The following RNF38 variants were observed in gnomAD, a reference collection of about 807,000 sequenced individuals.
RNF38 encodes the protein ring finger protein 38.
Under a neutral mutation model 67.2 loss-of-function variants are expected in RNF38, and 15 were observed. The observed-to-expected ratio is 0.22, with a 90% confidence interval of 0.15 to 0.34. The LOEUF (loss-of-function observed/expected upper bound fraction) is 0.34, where lower values mean the gene tolerates loss of function less well. Among genes scored for constraint, RNF38 ranks in the 10% least tolerant of loss-of-function variants. The pLI is 1.00. For synonymous variants in RNF38, 220 were observed against 218.8 expected (o/e 1.01, Z -0.05); for missense variants, 524 against 639.9 (o/e 0.82, Z 1.95).
At chr9:36,481,054 A>C (rs1473632407) in intron 1 of RNF38, among the ~76,000 whole-genome samples, 1 of 136,396 alleles carries the variant, frequency 7.3e-6, no homozygotes, top group East Asian at 2.2e-4. Context: ...TTGCTCTGTC[A>C]CCCAGGCTGG....
intron 2 of RNF38, among the ~76,000 whole-genome samples, chr9:36,420,835 G>A (rs1431900005): frequency 6.6e-6 from 1 of 152,070 alleles, no homozygotes; most frequent in Non-Finnish European, 1.5e-5. Flanking sequence ...TGTGCAAATT[G>A]CTGTGCCCAA....
rs1042861716 is a variant in RNF38, at chr9:36,336,770, T to G, written c.*2982A>C. ...CTAATGAAAAGGCCCAAAGATAATCTGTGAAAAATATTCTCACAAGTGAGT... is the reference window on the plus strand; with the variant it reads ...CTAATGAAAAGGCCCAAAGATAATCGGTGAAAAATATTCTCACAAGTGAGT... On this transcript the variant is annotated 3_prime_UTR_variant, in exon 12 of 12. Coordinates refer to ENST00000259605, the MANE Select transcript of RNF38 (RefSeq NM_022781.5). 7.3e-4 allele frequency: 111 copies of G among 152,718 alleles called. No homozygotes were observed. The highest frequency in any genetic ancestry group is 2.8e-4 in the Non-Finnish European group (19 of 68,026). 9.5% of individuals were successfully genotyped at this position (152,718 alleles called of 1,614,324 possible).
intron 6 of RNF38, 24 bp from the exon 7 acceptor site, chr9:36,353,355 C>CAT: frequency 6.7e-7 from 1 of 1,487,876 alleles, no homozygotes; most frequent in Non-Finnish European, 9.1e-7. Flanking sequence ...AAAAAAAACA[C>CAT]ATATATGTAT....
chr9:36,435,867 G>A (rs979522458), intron 1 of RNF38, among the ~76,000 whole-genome samples: 1 of 152,102 alleles, frequency 6.6e-6, no homozygotes, highest in Admixed American at 6.6e-5. Flanking sequence ...CTGACCTCGT[G>A]ATCCGCCCGC....
intron 2 of RNF38, among the ~76,000 whole-genome samples, chr9:36,383,380 A>C (rs1462361386): frequency 1.3e-5 from 2 of 152,062 alleles, no homozygotes; most frequent in Non-Finnish European, 2.9e-5. Context: ...TTTAGTAGAG[A>C]TGTATTTCAC....
At chr9:36,358,526 A>C (rs191577193) in intron 4 of RNF38, among the ~76,000 whole-genome samples, 76 of 152,256 alleles carry the variant, frequency 5.0e-4, no homozygotes, top group Middle Eastern at 3.4e-3. Context: ...ACTACCCTGC[A>C]ACTTTGTTTT....
At chr9:36,382,279 C>A (rs1356540121) in intron 2 of RNF38, among the ~76,000 whole-genome samples, 1 of 152,066 alleles carries the variant, frequency 6.6e-6, no homozygotes, top group Non-Finnish European at 1.5e-5. Context: ...AACACTGCTA[C>A]AGATTTAGGG....
chr9:36,442,106 C>A (rs1205162353), intron 1 of RNF38, among the ~76,000 whole-genome samples: 2 of 152,180 alleles, frequency 1.3e-5, no homozygotes, highest in East Asian at 1.9e-4. Flanking sequence ...GTCCATCAGG[C>A]ATTCCAATCT....
intron 4 of RNF38, among the ~76,000 whole-genome samples, chr9:36,359,243 G>A (rs951355262): frequency 1.3e-5 from 2 of 151,606 alleles, no homozygotes; most frequent in Non-Finnish European, 2.9e-5. Flanking sequence ...CTTTTGATGA[G>A]ATCCTTTATT....
chr9:36,350,199 G>C (rs1278709961), intron 9 of RNF38, among the ~76,000 whole-genome samples: 2 of 152,172 alleles, frequency 1.3e-5, no homozygotes, highest in African/African-American at 4.8e-5. Flanking sequence ...TGACTGTTGT[G>C]TTCCTTTCTA....
chr9:36,345,837 G>A lies in RNF38; in HGVS notation c.1264-884C>T, dbSNP rs79810274. On this transcript the variant is annotated intron_variant, in intron 9 of 11. Coordinates refer to ENST00000259605, the MANE Select transcript of RNF38 (RefSeq NM_022781.5). ...TTTGAAGAAACCAGGTTAATGAGCT[G>A]TAGAAATTCCCAGTTTGAAATCTGC... Among the ~76,000 whole-genome samples the A allele has an allele frequency of 5.5e-3, 831 of 152,282 alleles. 11 individuals are homozygous for A. Among genetic ancestry groups the A allele is most frequent in the African/African-American group, 0.019 (788 of 41,562 alleles).
chr9:36,347,161 C>A (rs1485544879), intron 9 of RNF38, among the ~76,000 whole-genome samples: 6 of 124,396 alleles, frequency 4.8e-5, no homozygotes, highest in South Asian at 2.7e-4. Flanking sequence ...AGTAAATTGC[C>A]AAATTGATGG....
At chr9:36,444,158 C>T (rs1564065410) in intron 1 of RNF38, among the ~76,000 whole-genome samples, 1 of 152,132 alleles carries the variant, frequency 6.6e-6, no homozygotes, top group Admixed American at 6.5e-5. Context: ...TGACAGTCAG[C>T]TAGCCATTCT....
At chr9:36,486,691 G>A (rs1010042315) in intron 1 of RNF38, among the ~76,000 whole-genome samples, 1 of 152,066 alleles carries the variant, frequency 6.6e-6, no homozygotes, top group Non-Finnish European at 1.5e-5. Flanking sequence ...ACTCACTCAA[G>A]AAAGCCCTCT....
chr9:36,425,860 G>A (rs952597325), intron 1 of RNF38, among the ~76,000 whole-genome samples: 1 of 152,148 alleles, frequency 6.6e-6, no homozygotes, highest in African/African-American at 2.4e-5. Flanking sequence ...ACCACGCCCA[G>A]TTAATTTTTG....
chr9:36,360,674 C>T (rs1564008386), intron 4 of RNF38, among the ~76,000 whole-genome samples: 1 of 152,150 alleles, frequency 6.6e-6, no homozygotes, highest in Non-Finnish European at 1.5e-5. Context: ...AAACTAGAAC[C>T]TTCAAAAATA....
chr9:36,433,686 C>CA lies in RNF38; in HGVS notation n.242-9004dup, dbSNP rs199573932. ...TGGGAAACAGAGTGAGACTTCGCCT[C>CA]AAAAAAAAAAAAAAAAAGAAAGAAA... On this transcript the variant is annotated intron_variant and non_coding_transcript_variant, in intron 1 of 3. Transcript: ENST00000488058. 8.5e-3 allele frequency among the ~76,000 whole-genome samples: 580 copies of CA among 68,596 alleles called. 3 individuals carry two copies. Among genetic ancestry groups the CA allele is most frequent in the African/African-American group, 0.018 (363 of 20,738 alleles). 45.0% of individuals were successfully genotyped at this position (68,596 alleles called of 152,430 possible). A position where few individuals can be genotyped will look rare whatever the true frequency, so the allele number is the denominator to read the frequency against.
intron 2 of RNF38, among the ~76,000 whole-genome samples, chr9:36,412,606 T>A (rs983454859): frequency 3.3e-5 from 5 of 152,180 alleles, no homozygotes; most frequent in Admixed American, 6.5e-5. Flanking sequence ...CGAGATGAGA[T>A]CTCGCTTTGG....
intron 1 of RNF38, among the ~76,000 whole-genome samples, chr9:36,480,548 C>CTTTTT (rs3072687): frequency 5.2e-4 from 52 of 100,816 alleles, no homozygotes; most frequent in Middle Eastern, 7.7e-3. Flanking sequence ...TTTTCTTTTT[C>CTTTTT]TTTTTTTTTT....
Sources: gnomAD v4.1 joint callset for allele counts (sites outside exome capture counted in the v4.1 genomes callset) on GRCh38, gnomAD v4.1.1 for gene constraint, MANE v1.5 for transcripts, NCBI Gene and HGNC (gene_info 2026-07-23, HGNC 2026-07-21) for gene names.